AFF2: variants seen among roughly 807,000 people sequenced by gnomAD.
AFF2 encodes the protein AF4/FMR2 family member 2.
Under a neutral mutation model 76.9 loss-of-function variants are expected in AFF2, and 14 were observed. The observed-to-expected ratio is 0.18, with a 90% confidence interval of 0.12 to 0.28. AFF2 has a LOEUF of 0.28. Ranked by LOEUF, AFF2 falls within the 10% of genes least tolerant of loss-of-function variation. The pLI is 1.00. For synonymous variants in AFF2, 398 were observed against 366.7 expected, an observed-to-expected ratio of 1.09 and a Z score of -0.98; for missense variants, 868 against 1,001.1, an observed-to-expected ratio of 0.87 and a Z score of 1.79.
At chrX:148,906,601 G>A (rs1164960949) in intron 9 of AFF2, among the ~76,000 whole-genome samples, 1 of 112,087 alleles carries the variant, frequency 8.9e-6, no homozygotes, top group Non-Finnish European at 1.9e-5. Flanking sequence ...GAGAGCACAG[G>A]GGGAGGGACA....
rs149958415 is a variant in AFF2 at position 148,708,769 on chromosome X, G to A, written c.1041+46001G>A. Among the ~76,000 whole-genome samples the A allele has an allele frequency of 8.1e-3, 912 of 112,306 alleles. 5 individuals carry two copies. Among genetic ancestry groups the A allele is most frequent in the Middle Eastern group, 0.042 (9 of 213 alleles). ...CAAATGCTACATTAATGTTTGGGTG[G>A]TAAGATTCTATTTTGAAGTCTGAAG... On this transcript the variant is annotated intron_variant, in intron 3 of 20. Transcript: ENST00000370460.
intron 3 of AFF2, among the ~76,000 whole-genome samples, chrX:148,716,836 G>A (rs1404126182): frequency 9.0e-6 from 1 of 111,279 alleles, no homozygotes; most frequent in Non-Finnish European, 1.9e-5. Context: ...ACACACTATT[G>A]TAGACACTGG....
At chrX:148,841,697 C>T (rs1004666430) in intron 5 of AFF2, among the ~76,000 whole-genome samples, 2 of 111,743 alleles carry the variant, frequency 1.8e-5, no homozygotes, top group Non-Finnish European at 3.8e-5. Context: ...TTTCTCAGTG[C>T]CTGTGCCTCT....
At chrX:148,804,515 A>G (rs1038311667) in intron 3 of AFF2, among the ~76,000 whole-genome samples, 1 of 112,651 alleles carries the variant, frequency 8.9e-6, no homozygotes, top group Admixed American at 9.3e-5. Flanking sequence ...TTTGATCTTC[A>G]TGCTCTACTT....
intron 1 of AFF2, among the ~76,000 whole-genome samples, chrX:148,587,222 G>A (rs1457059708): frequency 8.9e-6 from 1 of 111,924 alleles, no homozygotes; most frequent in African/African-American, 3.2e-5. Context: ...CATACAGCCA[G>A]CCTTTTGCAT....
At chrX:148,779,080 C>A (rs2069706969) in intron 3 of AFF2, among the ~76,000 whole-genome samples, 1 of 111,601 alleles carries the variant, frequency 9.0e-6, no homozygotes, top group Non-Finnish European at 1.9e-5. Context: ...TTACTTATTT[C>A]TGCCTTGATA....
intron 3 of AFF2, among the ~76,000 whole-genome samples, chrX:148,743,202 C>T (rs959573135): frequency 1.8e-5 from 2 of 111,993 alleles, no homozygotes; most frequent in Admixed American, 1.9e-4. Context: ...AATGGTATTA[C>T]ATTATAATGC....
intron 3 of AFF2, among the ~76,000 whole-genome samples, chrX:148,733,669 C>T (rs782409979): frequency 1.2e-3 from 139 of 112,082 alleles, no homozygotes; most frequent in Non-Finnish European, 2.4e-4. Context: ...TGTGCTTGTA[C>T]GTTTTACTTT....
intron 9 of AFF2, among the ~76,000 whole-genome samples, chrX:148,935,471 C>T (rs2071764083): frequency 9.0e-6 from 1 of 110,676 alleles, no homozygotes; most frequent in Non-Finnish European, 1.9e-5. Context: ...ATTTCATATT[C>T]CTATCATCCT....
In AFF2 at chrX:149,000,455, G is replaced by A. The variant is rs1341064969; in HGVS notation, c.*9123G>A. On this transcript the variant is annotated 3_prime_UTR_variant, in exon 21 of 21. Coordinates refer to ENST00000370460, the MANE Select transcript of AFF2 (RefSeq NM_002025.4). Reference sequence around the variant, plus strand: ...TGGCTTTGCATTTCAAATGTGTGGCGCACAAGCGTTTTGTTGGTGCTTTGT... The same window carrying A: ...TGGCTTTGCATTTCAAATGTGTGGCACACAAGCGTTTTGTTGGTGCTTTGT... 5 of 112,651 alleles carry A rather than the reference G, an allele frequency of 4.4e-5. No individual in the cohort carries two copies. The highest frequency in any genetic ancestry group is 9.4e-5 in the Admixed American group (1 of 10,664). 9.3% of individuals were successfully genotyped at this position (112,651 alleles called of 1,213,427 possible).
intron 1 of AFF2, among the ~76,000 whole-genome samples, chrX:148,596,847 T>A (rs1034531100): frequency 4.4e-5 from 5 of 112,437 alleles, no homozygotes; most frequent in Non-Finnish European, 9.4e-5. Context: ...ACTGTGGAGA[T>A]AACTGAAAGT....
chrX:148,836,389 CTGAG>C (rs1192741526), intron 4 of AFF2, among the ~76,000 whole-genome samples: 2 of 111,479 alleles, frequency 1.8e-5, no homozygotes, highest in African/African-American at 6.5e-5. Flanking sequence ...TCTTTTTGAA[CTGAG>C]TAATTATAGA....
Position 148,962,778 on chromosome X carries a change from C to T in AFF2, c.2754C>T (p.Ser918=), listed in dbSNP as rs2072124911. The T allele has an allele frequency of 1.7e-6, 2 of 1,210,956 alleles. No individual in the cohort carries two copies. The highest frequency in any genetic ancestry group is 2.2e-6 in the Non-Finnish European group (2 of 894,986). The change falls in exon 13 of 21, where the codon TCC becomes TCT. Residue 918 remains serine (S), a synonymous_variant. Transcript: ENST00000370460. Reference sequence around the variant, plus strand: ...AAAAACTATTTCCTCCTCCACTTTCCCCACTGCCAGAGGACCCTCCACGCC... The same window carrying T: ...AAAAACTATTTCCTCCTCCACTTTCTCCACTGCCAGAGGACCCTCCACGCC... ...KEEKLFPPPL[S]PLPEDPPRRR... is the part of the protein sequence containing the mutation.
intron 8 of AFF2, among the ~76,000 whole-genome samples, chrX:148,898,448 G>A (rs1369407808): frequency 4.5e-5 from 5 of 112,266 alleles, no homozygotes; most frequent in Non-Finnish European, 9.4e-5. Flanking sequence ...AGGTGGCAGT[G>A]GCCATAGTCC....
chrX:148,726,364 G>C (rs1465795854), intron 3 of AFF2, among the ~76,000 whole-genome samples: 2 of 111,788 alleles, frequency 1.8e-5, no homozygotes, highest in African/African-American at 6.5e-5. Flanking sequence ...ACCAATTTAG[G>C]GCCCCAGGTG....
chrX:148,849,442 G>A (rs1557275119), intron 7 of AFF2, among the ~76,000 whole-genome samples: 2 of 84,161 alleles, frequency 2.4e-5, no homozygotes, highest in Admixed American at 1.9e-4. Context: ...GGCAAACATC[G>A]CTTCCTTTCT....
chrX:148,737,995 T>C (rs1557265262), intron 3 of AFF2, among the ~76,000 whole-genome samples: 1 of 111,820 alleles, frequency 8.9e-6, no homozygotes, highest in Non-Finnish European at 1.9e-5. Context: ...ATTATCTTTT[T>C]AATATGTTGT....
At chrX:148,791,830 G>A (rs936669602) in intron 3 of AFF2, among the ~76,000 whole-genome samples, 4 of 111,337 alleles carry the variant, frequency 3.6e-5, no homozygotes, top group African/African-American at 1.3e-4. Context: ...TGAGCCGGGT[G>A]TATATAACTT....
Position 148,516,985 on chromosome X carries a change from TG to T in AFF2, c.47+15842del, listed in dbSNP as rs1210941089. Among the ~76,000 whole-genome samples, 3 of 111,911 alleles carry T rather than the reference TG, an allele frequency of 2.7e-5. No homozygotes were observed. In the Admixed American group the frequency reaches 2.8e-4, roughly 11 times the overall value. ...CTATTTGGTAGCCGAGCACCAGCTT[TG>T]TGATGAGTGAAATCTTAAGTATAGT... On this transcript the variant is annotated intron_variant, in intron 1 of 20. Transcript: ENST00000370460.
Sources: gnomAD v4.1 joint callset for allele counts (sites outside exome capture counted in the v4.1 genomes callset) on GRCh38, gnomAD v4.1.1 for gene constraint, MANE v1.5 for transcripts, NCBI Gene and HGNC (gene_info 2026-07-23, HGNC 2026-07-21) for gene names.